The following PHTF1 variants were observed in gnomAD, a reference collection of about 807,000 sequenced individuals.
PHTF1 encodes protein PHTF1.
A neutral mutation model predicts 102.4 loss-of-function variants in PHTF1; 88 were observed. The ratio of observed to expected loss-of-function variants is 0.86; its 90% CI spans 0.72 to 1.03. PHTF1 has a LOEUF of 1.03. Ranked by LOEUF, PHTF1 falls within the 50% of genes least tolerant of loss-of-function variation. The pLI, the probability that PHTF1 is intolerant of heterozygous loss-of-function variation, is 0.00. For missense variants in PHTF1, 814 were observed against 909.5 expected (o/e 0.89, Z 1.35); for synonymous variants, 289 against 305.2 (o/e 0.95, Z 0.55).
chr1:113,757,804 A>G (rs1193421252), intron 2 of PHTF1, 49 bp from the exon 3 acceptor site: 1 of 1,187,092 alleles, frequency 8.4e-7, no homozygotes, highest in Non-Finnish European at 1.3e-6. Flanking sequence ...GGAAATCCTT[A>G]CATTATTAAG....
chr1:113,710,121 C>T, intron 11 of PHTF1, 133 bp downstream of exon 11: 1 of 685,414 alleles, frequency 1.5e-6, no homozygotes, highest in Non-Finnish European at 2.5e-6. Flanking sequence ...GCTCAGTTTC[C>T]TCACCTCTAA....
chr1:113,735,932 A>G (rs1186282913), intron 5 of PHTF1, among the ~76,000 whole-genome samples: 2 of 152,196 alleles, frequency 1.3e-5, no homozygotes, highest in Non-Finnish European at 1.5e-5. Flanking sequence ...ATACAGTCGT[A>G]AAGAGAATAT....
chr1:113,731,720 C>A (rs778825662), intron 5 of PHTF1, among the ~76,000 whole-genome samples: 1 of 151,300 alleles, frequency 6.6e-6, no homozygotes, highest in Admixed American at 6.6e-5. Context: ...GTGGCAAAAC[C>A]CCCGTCTCTA....
chr1:113,704,514 G>A, intron 14 of PHTF1, 152 bp downstream of exon 14: 2 of 578,490 alleles, frequency 3.5e-6, no homozygotes, highest in African/African-American at 3.8e-5. Context: ...TTTGCAGAGA[G>A]ATGACATCCA....
chr1:113,718,425 T>C (rs1269642806), intron 7 of PHTF1, among the ~76,000 whole-genome samples: 1 of 152,168 alleles, frequency 6.6e-6, no homozygotes, highest in African/African-American at 2.4e-5. Context: ...TGTTGGTGGA[T>C]CTACCATTCT....
intron 17 of PHTF1, chr1:113,698,751 A>ATGATACGGCG: frequency 8.1e-5 from 17 of 209,830 alleles, no homozygotes; most frequent in South Asian, 2.3e-4. Flanking sequence ...ATTAACCCAA[A>ATGATACGGCG]ACCATCAGGT....
intron 5 of PHTF1, 119 bp downstream of exon 5, chr1:113,737,991 T>G: frequency 1.4e-6 from 1 of 700,598 alleles, no homozygotes; most frequent in South Asian, 1.9e-5. Context: ...TGTCTCTTCA[T>G]TCTGTGTACT....
At position 113,700,858 on chromosome 1, in the gene PHTF1, A is replaced by C. The variant is rs774129824; in HGVS notation, c.1982T>G (p.Leu661Arg). ...ATTGGTTTCAGACCCCAGTGAGGCC[A>C]GACGCAATAAAAAAAGTAGTAAAGC... ...ETALLLFLLRLASLGSETNKK... is the reference protein window; with the variant it reads ...ETALLLFLLRRASLGSETNKK... The change falls in exon 16 of 19, where the codon CTG becomes CGG. Residue 661 changes from leucine to arginine, a missense_variant. Coordinates refer to ENST00000369604, the MANE Select transcript of PHTF1 (RefSeq NM_001323043.2). 2.5e-6 allele frequency: 4 copies of C among 1,612,698 alleles called. No individual in the cohort carries two copies. In the South Asian group the frequency reaches 4.4e-5, roughly 18 times the overall value.
intron 7 of PHTF1, among the ~76,000 whole-genome samples, chr1:113,718,218 A>T (rs1395385241): frequency 1.3e-5 from 2 of 152,166 alleles, no homozygotes; most frequent in Non-Finnish European, 1.5e-5. Flanking sequence ...CCAGTGGGGG[A>T]GTCAAATTTT....
chr1:113,702,453 T>TA lies in PHTF1; in HGVS notation c.1891-1505dup, dbSNP rs531111724. ...AAAATCTAAGACTGTGAGGATGGAT[T>TA]AAAAAAAAAAGCAACCAACTGGGCA... On this transcript the variant is annotated intron_variant, in intron 15 of 18. Transcript: ENST00000369604. Among the ~76,000 whole-genome samples, 259 of 147,116 alleles carry TA rather than the reference T, an allele frequency of 1.8e-3. 1 individual carries two copies. Among genetic ancestry groups the TA allele is most frequent in the Admixed American group, 3.3e-3 (48 of 14,718 alleles).
chr1:113,703,744 G>C (rs1324153026), intron 15 of PHTF1: 1 of 192,396 alleles, frequency 5.2e-6, no homozygotes, highest in African/African-American at 2.3e-5. Flanking sequence ...GAATAAATAA[G>C]AGGGAAAGAA....
intron 15 of PHTF1, among the ~76,000 whole-genome samples, chr1:113,702,387 GTTACAGTAATAACA>G (rs952620063): frequency 4.6e-5 from 7 of 151,914 alleles, no homozygotes; most frequent in African/African-American, 1.5e-4. Flanking sequence ...TATATTTGTG[GTTACAGTAATAACA>G]TTAAGTTTAA....
At chr1:113,724,964 A>T in intron 6 of PHTF1, 71 bp from the exon 7 acceptor site, 2 of 1,071,944 alleles carry the variant, frequency 1.9e-6, no homozygotes, top group South Asian at 3.1e-5. Flanking sequence ...ATATCCCTAC[A>T]GAAAATTATA....
chr1:113,713,218 T>C (rs575657227), intron 8 of PHTF1, 61 bp downstream of exon 8: 1 of 1,442,408 alleles, frequency 6.9e-7, no homozygotes, highest in Admixed American at 1.7e-5. Flanking sequence ...TCTAACAGAA[T>C]CTTAATAGGA....
chr1:113,710,161 A>C, intron 11 of PHTF1, 93 bp downstream of exon 11: 1 of 877,228 alleles, frequency 1.1e-6, no homozygotes, highest in Non-Finnish European at 1.9e-6. Flanking sequence ...TCTACCCTAC[A>C]GGATGATTGT....
chr1:113,704,701 T>C lies in PHTF1; in HGVS notation c.1768A>G (p.Ile590Val). The C allele has an allele frequency of 1.3e-6, 2 of 1,591,626 alleles. No homozygotes were observed. Among genetic ancestry groups the C allele is most frequent in the Non-Finnish European group, 1.7e-6 (2 of 1,161,632 alleles). ...GAACGCAGTGATAACCATATTTTAA[T>C]ATTCTCCACCTTCTTAAGTCTGAAA... is the stretch of plus-strand genomic sequence containing the variant. ...PHFRLKKVEN[I>V]KIWLSLRSYL... Residue 590 changes from isoleucine to valine, a missense_variant, in exon 14 of 19, where the codon ATT (isoleucine) becomes GTT (valine). By Grantham distance (29) the Ile-to-Val change is conservative. Coordinates refer to ENST00000369604, the MANE Select transcript of PHTF1 (RefSeq NM_001323043.2).
At chr1:113,726,393 A>T in intron 6 of PHTF1, 25 bp downstream of exon 6, 1 of 1,515,970 alleles carries the variant, frequency 6.6e-7, no homozygotes, top group Non-Finnish European at 9.1e-7. Context: ...AAAATATACA[A>T]CTACAGTGTA....
chr1:113,752,530 A>AGCTGGGACTACAGGT (rs71090730), intron 3 of PHTF1, among the ~76,000 whole-genome samples: 1 of 149,206 alleles, frequency 6.7e-6, no homozygotes, highest in South Asian at 2.1e-4. Flanking sequence ...CCTCCCCAGT[A>AGCTGGGACTACAGGT]GCCTGCAACC....
At chr1:113,754,016 A>AC (rs1204834467) in intron 3 of PHTF1, among the ~76,000 whole-genome samples, 1 of 152,198 alleles carries the variant, frequency 6.6e-6, no homozygotes, top group Non-Finnish European at 1.5e-5. Context: ...TAGCTTGTAA[A>AC]CAGACCTCTT....
Sources: allele counts gnomAD v4.1 joint callset (sites outside exome capture counted in the v4.1 genomes callset), GRCh38; gene constraint gnomAD v4.1.1; transcripts MANE v1.5; gene names NCBI Gene and HGNC (gene_info 2026-07-23, HGNC 2026-07-21).